PPARGC1A: variants seen among roughly 807,000 people sequenced by gnomAD.
PPARGC1A encodes the protein PPARG coactivator 1 alpha.
A neutral mutation model predicts 88.7 loss-of-function variants in PPARGC1A; 25 were observed. That is an observed-to-expected ratio of 0.28 (90% CI 0.21 to 0.39). PPARGC1A has a LOEUF of 0.39. Among genes scored for constraint, PPARGC1A ranks in the 10% least tolerant of loss-of-function variants. The pLI is 1.00. For synonymous variants in PPARGC1A, 363 were observed against 355.6 expected (o/e 1.02, Z -0.24); for missense variants, 880 against 968.7 (o/e 0.91, Z 1.22).
the PPARGC1A span, among the ~76,000 whole-genome samples, chr4:24,022,586 C>T: frequency 6.6e-6 from 1 of 152,278 alleles, no homozygotes. Flanking sequence ...TAATGGTGAG[C>T]AATGAGCCAG....
intron 10 of PPARGC1A, among the ~76,000 whole-genome samples, chr4:23,803,423 G>C (rs1039532967): frequency 1.3e-5 from 2 of 152,172 alleles, no homozygotes; most frequent in Non-Finnish European, 2.9e-5. Flanking sequence ...TTTAGGAACA[G>C]ACTAGAGGGG....
chr4:23,873,221 AAAT>A lies in PPARGC1A; in HGVS notation c.234+11528_234+11530del, dbSNP rs1713938079. Among the ~76,000 whole-genome samples, 24 of 142,404 alleles carry A rather than the reference AAAT, an allele frequency of 1.7e-4. 3 individuals are homozygous for A. Among genetic ancestry groups the A allele is most frequent in the Middle Eastern group, 3.5e-3 (1 of 284 alleles). 93.4% of individuals were successfully genotyped at this position (142,404 alleles called of 152,430 possible). A position where few individuals can be genotyped will look rare whatever the true frequency, so the allele number is the denominator to read the frequency against. On this transcript the variant is annotated intron_variant, in intron 2 of 12. Transcript: ENST00000264867. The stretch of plus-strand genomic sequence containing the variant: ...TCAAAAATAAAAAATAAAAAATAAA[AAAT>A]AAAGAAAAAAATGTGACCAGCCATA...
chr4:24,003,820 A>AT, the PPARGC1A span, among the ~76,000 whole-genome samples: 69,566 of 146,684 alleles, frequency 0.47, 17,069 homozygotes, highest in Admixed American at 0.56. Flanking sequence ...GATCAGATTG[A>AT]TTTTTTTTTT....
the PPARGC1A span, among the ~76,000 whole-genome samples, chr4:24,260,425 A>T: frequency 1.3e-5 from 2 of 152,254 alleles, no homozygotes; most frequent in African/African-American, 4.8e-5. Context: ...TTACTTGCAC[A>T]TTAATAAAAC....
chr4:24,324,623 G>A, the PPARGC1A span, among the ~76,000 whole-genome samples: 8 of 152,118 alleles, frequency 5.3e-5, no homozygotes, highest in South Asian at 1.3e-3. Context: ...ATACAAACTC[G>A]ACAGTAGTTC....
chr4:24,260,358 G>A, the PPARGC1A span, among the ~76,000 whole-genome samples: 1 of 152,180 alleles, frequency 6.6e-6, no homozygotes, highest in African/African-American at 2.4e-5. Flanking sequence ...CACATCAGCT[G>A]TTTATGGCAT....
At chr4:24,193,119 C>A in the PPARGC1A span, among the ~76,000 whole-genome samples, 4 of 152,184 alleles carry the variant, frequency 2.6e-5, no homozygotes, top group Non-Finnish European at 5.9e-5. Context: ...ACTTTTCTCA[C>A]AAATATCAAA....
intron 2 of PPARGC1A, among the ~76,000 whole-genome samples, chr4:23,862,739 A>C (rs1198844345): frequency 2.6e-5 from 4 of 152,224 alleles, no homozygotes; most frequent in Non-Finnish European, 4.4e-5. Flanking sequence ...TATTGGCAAG[A>C]AGAAGCCTGG....
the PPARGC1A span, among the ~76,000 whole-genome samples, chr4:24,387,762 G>GAAAGAA: frequency 4.0e-3 from 294 of 72,654 alleles, 1 homozygote; most frequent in Middle Eastern, 5.5e-3. Context: ...GAGAGAGAGA[G>GAAAGAA]AGAGAGAAAG....
the PPARGC1A span, among the ~76,000 whole-genome samples, chr4:24,430,316 T>C: frequency 0.045 from 6,596 of 145,068 alleles, 208 homozygotes; most frequent in Middle Eastern, 0.092. Flanking sequence ...TGGAGTGCAG[T>C]GGCGCGATCT....
the PPARGC1A span, among the ~76,000 whole-genome samples, chr4:24,278,589 C>T: frequency 3.9e-5 from 6 of 152,208 alleles, no homozygotes; most frequent in South Asian, 1.2e-3. Context: ...CAGGCTCAGT[C>T]CCTTCTGTTT....
At chr4:24,133,950 G>T in the PPARGC1A span, among the ~76,000 whole-genome samples, 2 of 152,134 alleles carry the variant, frequency 1.3e-5, no homozygotes, top group African/African-American at 4.8e-5. Flanking sequence ...ATAACAATTA[G>T]CTCTAAGAAG....
At chr4:24,457,805 CA>C in the PPARGC1A span, among the ~76,000 whole-genome samples, 1 of 152,046 alleles carries the variant, frequency 6.6e-6, no homozygotes, top group African/African-American at 2.4e-5. Flanking sequence ...CCTCGTGATC[CA>C]CCCGCCTTGG....
the PPARGC1A span, among the ~76,000 whole-genome samples, chr4:24,065,177 A>G: frequency 1.3e-5 from 2 of 152,124 alleles, no homozygotes; most frequent in Non-Finnish European, 2.9e-5. Flanking sequence ...AAGAGACCCA[A>G]TCGCGTAGAT....
At chr4:24,454,987 A>T in the PPARGC1A span, among the ~76,000 whole-genome samples, 1 of 152,188 alleles carries the variant, frequency 6.6e-6, no homozygotes. Flanking sequence ...CAGGCAAAGC[A>T]GGAAAGTCAA....
chr4:24,230,243 G>A, the PPARGC1A span, among the ~76,000 whole-genome samples: 10 of 152,186 alleles, frequency 6.6e-5, no homozygotes, highest in Admixed American at 1.3e-4. Context: ...GCTAGCACAT[G>A]TTTTGGGATG....
the PPARGC1A span, among the ~76,000 whole-genome samples, chr4:24,245,977 T>A: frequency 1.3e-5 from 2 of 151,524 alleles, no homozygotes; most frequent in African/African-American, 4.9e-5. Flanking sequence ...TTGGTCCTAG[T>A]ACTGTTGTTG....
At chr4:24,206,911 T>G in the PPARGC1A span, among the ~76,000 whole-genome samples, 1 of 151,114 alleles carries the variant, frequency 6.6e-6, no homozygotes, top group Non-Finnish European at 1.5e-5. Context: ...TGTTTTAAAT[T>G]TTCCTTTGAT....
chr4:24,035,292 C>T, the PPARGC1A span, among the ~76,000 whole-genome samples: 1 of 152,064 alleles, frequency 6.6e-6, no homozygotes, highest in Non-Finnish European at 1.5e-5. Flanking sequence ...GTAATCCCAG[C>T]ACTTTGGGAG....
Sources: gnomAD v4.1 joint callset for allele counts (sites outside exome capture counted in the v4.1 genomes callset) on GRCh38, gnomAD v4.1.1 for gene constraint, MANE v1.5 for transcripts, NCBI Gene and HGNC (gene_info 2026-07-23, HGNC 2026-07-21) for gene names.